Variants in LRP1B observed in about 807,000 individuals in gnomAD.
LRP1B encodes low-density lipoprotein receptor-related protein 1B.
A neutral mutation model predicts 556.6 loss-of-function variants in LRP1B; 217 were observed. The observed-to-expected ratio is 0.39, with a 90% CI of 0.35 to 0.44. The LOEUF (loss-of-function observed/expected upper bound fraction) is 0.44. Among genes scored for constraint, LRP1B ranks in the 20% least tolerant of loss-of-function variants. LRP1B has a pLI of 1.00. For missense variants in LRP1B, 5,053 were observed against 5,620.8 expected (o/e 0.90, Z 3.23); for synonymous variants, 2,047 against 1,865.8 (o/e 1.10, Z -2.50).
At chr2:140,298,883 A>G (rs1683706811) in intron 83 of LRP1B, among the ~76,000 whole-genome samples, 1 of 152,130 alleles carries the variant, frequency 6.6e-6, no homozygotes, top group South Asian at 2.1e-4. Context: ...AAATGAATGG[A>G]TATCATTTAA....
chr2:141,973,708 A>C (rs987966609), intron 1 of LRP1B, among the ~76,000 whole-genome samples: 7 of 151,868 alleles, frequency 4.6e-5, no homozygotes, highest in African/African-American at 1.7e-4. Flanking sequence ...AATATCCCTG[A>C]TTGTGGAGAG....
intron 3 of LRP1B, among the ~76,000 whole-genome samples, chr2:141,329,429 G>T (rs1205827653): frequency 6.7e-6 from 1 of 149,384 alleles, no homozygotes; most frequent in African/African-American, 2.5e-5. Context: ...TGGATCCCGA[G>T]GTCAGGAGAT....
intron 7 of LRP1B, among the ~76,000 whole-genome samples, chr2:141,072,426 C>T (rs1411379801): frequency 1.3e-5 from 2 of 152,000 alleles, no homozygotes; most frequent in Non-Finnish European, 2.9e-5. Context: ...AAACTTTATT[C>T]TTTGTTTCCT....
At chr2:142,084,525 C>T (rs997427560) in intron 1 of LRP1B, among the ~76,000 whole-genome samples, 2 of 152,170 alleles carry the variant, frequency 1.3e-5, no homozygotes, top group African/African-American at 4.8e-5. Flanking sequence ...AATTTTCACA[C>T]CCACCTCTCC....
chr2:141,710,995 TTTCTAGCC>T (rs1289199279), intron 2 of LRP1B, among the ~76,000 whole-genome samples: 4 of 152,220 alleles, frequency 2.6e-5, no homozygotes, highest in Non-Finnish European at 2.9e-5. Flanking sequence ...GGAAAATATA[TTTCTAGCC>T]TTATGTATGC....
intron 32 of LRP1B, among the ~76,000 whole-genome samples, chr2:140,796,448 C>A (rs1384439824): frequency 2.0e-5 from 3 of 151,928 alleles, no homozygotes; most frequent in Non-Finnish European, 4.4e-5. Flanking sequence ...CACATATAGT[C>A]CTTTGGAGAT....
chr2:142,063,002 C>A (rs1339314374), intron 1 of LRP1B, among the ~76,000 whole-genome samples: 1 of 120,138 alleles, frequency 8.3e-6, no homozygotes, highest in African/African-American at 3.0e-5. Flanking sequence ...AAAACAAATT[C>A]AATAAATATT....
At chr2:141,146,264 C>T (rs952378671) in intron 7 of LRP1B, among the ~76,000 whole-genome samples, 1 of 152,154 alleles carries the variant, frequency 6.6e-6, no homozygotes, top group Non-Finnish European at 1.5e-5. Context: ...TTCATGTTTC[C>T]TCCCATGCCG....
chr2:141,609,754 C>A (rs922858189), intron 2 of LRP1B, among the ~76,000 whole-genome samples: 2 of 151,604 alleles, frequency 1.3e-5, no homozygotes, highest in Non-Finnish European at 1.5e-5. Context: ...CAGGTGCCCA[C>A]ACAACTCTGC....
intron 2 of LRP1B, among the ~76,000 whole-genome samples, chr2:141,778,598 G>C (rs565399868): frequency 1.1e-4 from 16 of 152,280 alleles, no homozygotes; most frequent in African/African-American, 3.9e-4. Context: ...ACACCAAAGA[G>C]CTGACTGCAT....
chr2:141,034,011 G>T (rs1370838507), intron 11 of LRP1B, among the ~76,000 whole-genome samples: 1 of 152,070 alleles, frequency 6.6e-6, no homozygotes, highest in Non-Finnish European at 1.5e-5. Flanking sequence ...AGCTGGGATG[G>T]ATTGAACTGG....
chr2:141,606,413 G>C (rs1687919533), intron 2 of LRP1B, among the ~76,000 whole-genome samples: 1 of 152,100 alleles, frequency 6.6e-6, no homozygotes, highest in African/African-American at 2.4e-5. Context: ...ATGTTTAAAA[G>C]TTTCATGTCA....
At chr2:140,529,571 G>A (rs572634890) in intron 47 of LRP1B, among the ~76,000 whole-genome samples, 1 of 151,916 alleles carries the variant, frequency 6.6e-6, no homozygotes, top group Non-Finnish European at 1.5e-5. Context: ...TTCTTCTCCA[G>A]CTATGTTTAT....
At chr2:141,795,303 C>G (rs1558880328) in intron 2 of LRP1B, among the ~76,000 whole-genome samples, 1 of 151,950 alleles carries the variant, frequency 6.6e-6, no homozygotes, top group Non-Finnish European at 1.5e-5. Context: ...TCCATGCTGT[C>G]ACATGAAAAA....
At chr2:140,410,241 T>A (rs904018119) in intron 66 of LRP1B, among the ~76,000 whole-genome samples, 1 of 152,134 alleles carries the variant, frequency 6.6e-6, no homozygotes, top group Non-Finnish European at 1.5e-5. Context: ...GCACAGAACA[T>A]GTCCCTTACT....
chr2:142,081,298 A>G (rs1253090194), intron 1 of LRP1B, among the ~76,000 whole-genome samples: 1 of 152,204 alleles, frequency 6.6e-6, no homozygotes, highest in Non-Finnish European at 1.5e-5. Context: ...GTAATGTAAT[A>G]TAAATAATAA....
chr2:141,870,660 G>A (rs1698554028), intron 1 of LRP1B, among the ~76,000 whole-genome samples: 1 of 151,874 alleles, frequency 6.6e-6, no homozygotes, highest in African/African-American at 2.4e-5. Flanking sequence ...GTTACTGCCA[G>A]AGCAGCAGGA....
chr2:141,971,783 T>A (rs1360778685), intron 1 of LRP1B, among the ~76,000 whole-genome samples: 1 of 151,468 alleles, frequency 6.6e-6, no homozygotes, highest in Non-Finnish European at 1.5e-5. Flanking sequence ...AGCCTTTACT[T>A]CCTCCTTCCC....
At chr2:141,249,174 A>T (rs1684173216) in intron 4 of LRP1B, among the ~76,000 whole-genome samples, 1 of 152,150 alleles carries the variant, frequency 6.6e-6, no homozygotes, top group South Asian at 2.1e-4. Flanking sequence ...AGTATATGGA[A>T]GTCAATAGCA....
Sources: allele counts gnomAD v4.1 joint callset (sites outside exome capture counted in the v4.1 genomes callset), GRCh38; gene constraint gnomAD v4.1.1; transcripts MANE v1.5; gene names NCBI Gene and HGNC (gene_info 2026-07-23, HGNC 2026-07-21).